The following CIROZ variants were observed in gnomAD, a reference collection of about 807,000 sequenced individuals.
CIROZ encodes ciliated left-right organizer protein containing ZP-N domains.
At chr1:10,970,968 C>T in the CIROZ span, among the ~76,000 whole-genome samples, 1 of 146,872 alleles carries the variant, frequency 6.8e-6, no homozygotes. Context: ...CAAAGCAAGA[C>T]CCCCCATCTC....
At chr1:10,979,473 C>A in the CIROZ span, among the ~76,000 whole-genome samples, 14 of 152,080 alleles carry the variant, frequency 9.2e-5, no homozygotes, top group Non-Finnish European at 1.6e-4. Flanking sequence ...GAATGTGGAG[C>A]ATTGAGAAAG....
chr1:10,954,320 G>C, the CIROZ span, among the ~76,000 whole-genome samples: 34 of 152,142 alleles, frequency 2.2e-4, no homozygotes, highest in African/African-American at 7.2e-4. Flanking sequence ...TGGGCGTGGT[G>C]GTGGGCACCT....
chr1:10,964,145 C>T, the CIROZ span: 1 of 1,613,902 alleles, frequency 6.2e-7, no homozygotes, highest in South Asian at 1.1e-5. Flanking sequence ...AACATGGGCC[C>T]ACAGTGGACG....
At chr1:10,948,396 TC>T in the CIROZ span, 2 of 1,612,912 alleles carry the variant, frequency 1.2e-6, no homozygotes, top group Non-Finnish European at 1.7e-6. Context: ...TTGGCCGGGC[TC>T]CCCCATGATG....
chr1:10,963,097 T>TAA, the CIROZ span, among the ~76,000 whole-genome samples: 6 of 151,658 alleles, frequency 4.0e-5, no homozygotes, highest in East Asian at 1.9e-4. Flanking sequence ...CCTGTCTCTT[T>TAA]AAAAAAACAG....
the CIROZ span, chr1:10,958,746 G>A: frequency 2.0e-5 from 32 of 1,613,866 alleles, no homozygotes; most frequent in Admixed American, 3.3e-5. Context: ...GGCAGGGGCC[G>A]GGAGACCTGC....
At chr1:10,966,481 G>C in the CIROZ span, 1 of 1,532,318 alleles carries the variant, frequency 6.5e-7, no homozygotes, top group East Asian at 2.4e-5. Context: ...ACCTCCAGGT[G>C]CCTGGAATGA....
the CIROZ span, among the ~76,000 whole-genome samples, chr1:10,979,995 C>T: frequency 1.3e-5 from 2 of 151,496 alleles, no homozygotes; most frequent in African/African-American, 2.4e-5. Flanking sequence ...TGTGGTGAGC[C>T]GAGATCTCAC....
the CIROZ span, among the ~76,000 whole-genome samples, chr1:10,972,160 G>T: frequency 5.3e-4 from 81 of 152,270 alleles, 1 homozygote; most frequent in South Asian, 7.3e-3. Flanking sequence ...TCGTGAGATT[G>T]TTCAGCCCCA....
the CIROZ span, among the ~76,000 whole-genome samples, chr1:10,976,421 C>T: frequency 1.3e-5 from 2 of 151,722 alleles, no homozygotes; most frequent in African/African-American, 2.4e-5. Flanking sequence ...CTGCAACCTC[C>T]GCCCACTGCA....
chr1:10,966,055 C>A, the CIROZ span, among the ~76,000 whole-genome samples: 2 of 152,200 alleles, frequency 1.3e-5, no homozygotes, highest in South Asian at 4.2e-4. Flanking sequence ...ACTCCAGGTC[C>A]AGCAGGATAT....
chr1:10,971,140 C>T, the CIROZ span, among the ~76,000 whole-genome samples: 160 of 8,004 alleles, frequency 0.02, no homozygotes, highest in Non-Finnish European at 0.032. Context: ...CAGAGCAAGA[C>T]TCCACCTCAA....
chr1:10,960,413 G>GA, the CIROZ span, among the ~76,000 whole-genome samples: 9 of 150,212 alleles, frequency 6.0e-5, no homozygotes, highest in South Asian at 2.1e-4. This position sits in a 1 kb window ranked among gnomAD's most constrained non-coding sequence, Gnocchi z 4.6. Flanking sequence ...CTGTCTCCAA[G>GA]AAAAAAAAAG....
chr1:10,978,172 T>TAAA, the CIROZ span, among the ~76,000 whole-genome samples: 746 of 126,840 alleles, frequency 5.9e-3, 9 homozygotes, highest in Middle Eastern at 0.013. Flanking sequence ...AACTCCACAG[T>TAAA]AAAAAAAAAA....
chr1:10,972,921 C>G, the CIROZ span, among the ~76,000 whole-genome samples: 1 of 148,252 alleles, frequency 6.7e-6, no homozygotes, highest in Non-Finnish European at 1.5e-5. Context: ...ATGCCCCCCC[C>G]ATCTCTAAAA....
chr1:10,955,354 G>T, the CIROZ span, among the ~76,000 whole-genome samples: 16 of 152,244 alleles, frequency 1.1e-4, no homozygotes, highest in African/African-American at 3.9e-4. Flanking sequence ...TGCCTGGGCT[G>T]AAACTTAGCT....
chr1:10,969,249 G>C, the CIROZ span, among the ~76,000 whole-genome samples: 7 of 152,100 alleles, frequency 4.6e-5, no homozygotes. Context: ...TGCAGCCACC[G>C]AGATGCAGAG....
the CIROZ span, among the ~76,000 whole-genome samples, chr1:10,970,485 C>T: frequency 2.6e-5 from 4 of 152,134 alleles, no homozygotes; most frequent in Admixed American, 2.6e-4. Flanking sequence ...AAAAATTAGC[C>T]AGGCGTGGTG....
At chr1:10,969,444 T>C in the CIROZ span, among the ~76,000 whole-genome samples, 1 of 152,140 alleles carries the variant, frequency 6.6e-6, no homozygotes, top group Admixed American at 6.6e-5. Context: ...GGTGCGCTCT[T>C]CCCCCACCAA....
Sources: allele counts gnomAD v4.1 joint callset (sites outside exome capture counted in the v4.1 genomes callset), GRCh38; gene constraint gnomAD v4.1.1; non-coding constraint Gnocchi (gnomAD v3.1); transcripts MANE v1.5; gene names NCBI Gene and HGNC (gene_info 2026-07-23, HGNC 2026-07-21).